IL1RAPL2: variants seen among roughly 807,000 people sequenced by gnomAD.
IL1RAPL2 encodes X-linked interleukin-1 receptor accessory protein-like 2.
IL1RAPL2 carries 3 observed loss-of-function variants against 44.1 expected under a neutral mutation model. That is an observed-to-expected ratio of 0.07 (90% CI 0.03 to 0.18). The LOEUF is 0.18. Among genes scored for constraint, IL1RAPL2 ranks in the 10% least tolerant of loss-of-function variants. IL1RAPL2 has a pLI of 1.00. For missense variants in IL1RAPL2, 391 were observed against 496.4 expected (o/e 0.79, Z 2.02); for synonymous variants, 181 against 178.8 (o/e 1.01, Z -0.10).
At chrX:105,392,717 A>G (rs1012430543) in intron 5 of IL1RAPL2, among the ~76,000 whole-genome samples, 9 of 111,890 alleles carry the variant, frequency 8.0e-5, no homozygotes, top group Non-Finnish European at 9.4e-5. Context: ...GCAATGTGCA[A>G]TATTCTCAAA....
intron 1 of IL1RAPL2, among the ~76,000 whole-genome samples, chrX:104,609,624 T>C (rs753555467): frequency 7.4e-4 from 83 of 111,864 alleles, no homozygotes; most frequent in African/African-American, 2.5e-3. Flanking sequence ...GATATCCTTT[T>C]TTCCGCTTGA....
intron 5 of IL1RAPL2, among the ~76,000 whole-genome samples, chrX:105,307,602 T>A (rs1205630335): frequency 2.1e-5 from 1 of 46,794 alleles, no homozygotes; most frequent in Non-Finnish European, 3.2e-5. Flanking sequence ...ATTATATATA[T>A]TATATATAAT....
chrX:105,755,759 A>G (rs2038632945), intron 10 of IL1RAPL2, among the ~76,000 whole-genome samples: 1 of 111,828 alleles, frequency 8.9e-6, no homozygotes, highest in South Asian at 3.7e-4. Flanking sequence ...CAACCTTGTT[A>G]TTCATTATGC....
At chrX:105,646,296 C>T (rs1001716641) in intron 6 of IL1RAPL2, among the ~76,000 whole-genome samples, 10 of 111,729 alleles carry the variant, frequency 9.0e-5, no homozygotes, top group African/African-American at 2.9e-4. Flanking sequence ...TAGTTCAAAC[C>T]CTGAGGCTTT....
At chrX:104,896,591 C>T (rs190898858) in intron 2 of IL1RAPL2, among the ~76,000 whole-genome samples, 1 of 111,516 alleles carries the variant, frequency 9.0e-6, no homozygotes, top group East Asian at 2.8e-4. Context: ...AGTGCTCTAT[C>T]TAGCTAAAGG....
intron 2 of IL1RAPL2, among the ~76,000 whole-genome samples, chrX:105,179,900 T>C (rs1293821768): frequency 9.0e-6 from 1 of 110,756 alleles, no homozygotes; most frequent in Non-Finnish European, 1.9e-5. Flanking sequence ...AGTCTTTAGG[T>C]TTTTTTAGAT....
chrX:105,363,318 T>TATATATATAATATATATAC (rs2035268054), intron 5 of IL1RAPL2, among the ~76,000 whole-genome samples: 1 of 94,326 alleles, frequency 1.1e-5, no homozygotes, highest in Non-Finnish European at 2.1e-5. Flanking sequence ...AATATATATA[T>TATATATATAATATATATAC]ATATATATAT....
chrX:105,648,937 C>T (rs1368157349), intron 6 of IL1RAPL2, among the ~76,000 whole-genome samples: 1 of 111,200 alleles, frequency 9.0e-6, no homozygotes, highest in Non-Finnish European at 1.9e-5. Flanking sequence ...GAATACAGTA[C>T]ACCTAGTGGT....
chrX:104,659,403 T>C (rs956696017), intron 2 of IL1RAPL2, among the ~76,000 whole-genome samples: 2 of 111,962 alleles, frequency 1.8e-5, no homozygotes, highest in African/African-American at 6.5e-5. Flanking sequence ...TTTTAGTTCC[T>C]TATAGTTGTA....
At chrX:104,795,997 G>C (rs996990873) in intron 2 of IL1RAPL2, among the ~76,000 whole-genome samples, 8 of 112,087 alleles carry the variant, frequency 7.1e-5, no homozygotes, top group African/African-American at 2.6e-4. Context: ...ACTTCTCTCT[G>C]TTATGCTAAG....
chrX:104,869,997 T>G (rs1358686024), intron 2 of IL1RAPL2, among the ~76,000 whole-genome samples: 2 of 112,240 alleles, frequency 1.8e-5, no homozygotes, highest in Non-Finnish European at 3.8e-5. Flanking sequence ...ATCTCTTATA[T>G]GTATCCCCTG....
intron 2 of IL1RAPL2, among the ~76,000 whole-genome samples, chrX:105,072,981 C>T (rs1183866584): frequency 9.1e-6 from 1 of 110,357 alleles, no homozygotes; most frequent in African/African-American, 3.3e-5. Flanking sequence ...AGGTGATGAA[C>T]TCATCCTTTT....
At chrX:105,540,146 TAAAAC>T (rs1054567384) in intron 6 of IL1RAPL2, among the ~76,000 whole-genome samples, 29 of 111,405 alleles carry the variant, frequency 2.6e-4, no homozygotes, top group African/African-American at 8.5e-4. Flanking sequence ...TCAATAAACT[TAAAAC>T]AGAACTACCA....
intron 2 of IL1RAPL2, among the ~76,000 whole-genome samples, chrX:104,962,991 G>A (rs2030037622): frequency 9.0e-6 from 1 of 111,728 alleles, no homozygotes; most frequent in African/African-American, 3.3e-5. Context: ...ATTTACCTGG[G>A]TTTCTTCATC....
chrX:105,717,494 A>G lies in IL1RAPL2; in HGVS notation c.900A>G (p.Ile300Met), dbSNP rs373351188. 7 of 1,195,021 alleles carry G rather than the reference A, an allele frequency of 5.9e-6. No homozygotes were observed. The African/African-American group carries it at 1.2e-4, about 21-fold the overall frequency. ...CAGGTCACATTAGAGAAGGTGAAATAAGGTAGAGAGCTTGAATTGCTTATC... is the reference window on the plus strand; with the variant it reads ...CAGGTCACATTAGAGAAGGTGAAATGAGGTAGAGAGCTTGAATTGCTTATC... ...ELAGHIREGE[I>M]RLLKEHLGEK... The change falls in exon 7 of 11, where the codon ATA (isoleucine) becomes ATG (methionine). Residue 300 changes from isoleucine to methionine, a missense_variant and splice_region_variant. This residue lies in a region of IL1RAPL2 where 159 missense variants were observed against 251.7 expected (regional missense o/e 0.63). Transcript: ENST00000372582.
intron 2 of IL1RAPL2, among the ~76,000 whole-genome samples, chrX:104,964,163 CA>C (rs2030067217): frequency 9.0e-6 from 1 of 110,877 alleles, no homozygotes; most frequent in Non-Finnish European, 1.9e-5. Flanking sequence ...AATTCCTAAA[CA>C]AAAGCTTCAG....
At chrX:105,338,976 G>A (rs918945471) in intron 5 of IL1RAPL2, among the ~76,000 whole-genome samples, 4 of 111,020 alleles carry the variant, frequency 3.6e-5, no homozygotes, top group Admixed American at 9.7e-5. Context: ...GGCGGTGTGC[G>A]CCTGTAATCC....
chrX:105,316,798 C>A (rs755640546), intron 5 of IL1RAPL2, among the ~76,000 whole-genome samples: 4 of 112,058 alleles, frequency 3.6e-5, no homozygotes, highest in Non-Finnish European at 5.6e-5. Flanking sequence ...CACCTTCTAC[C>A]ATTCAGTGCC....
At chrX:104,651,274 C>G (rs980812058) in intron 1 of IL1RAPL2, among the ~76,000 whole-genome samples, 1 of 111,788 alleles carries the variant, frequency 8.9e-6, no homozygotes, top group Non-Finnish European at 1.9e-5. Context: ...TATTCACAGT[C>G]AAACATTAAC....
Sources: gnomAD v4.1 joint callset for allele counts (sites outside exome capture counted in the v4.1 genomes callset) on GRCh38, gnomAD v4.1.1 for gene constraint, gnomAD v4.1.1 regional missense constraint, MANE v1.5 for transcripts, NCBI Gene and HGNC (gene_info 2026-07-23, HGNC 2026-07-21) for gene names.